The following UBE2R2 variants were observed in gnomAD, a reference collection of about 807,000 sequenced individuals.
UBE2R2 encodes ubiquitin conjugating enzyme E2 R2, also known as ubiquitin-conjugating enzyme E2 R2.
A neutral mutation model predicts 27.8 loss-of-function variants in UBE2R2; 1 was observed. The observed-to-expected ratio is 0.04, with a 90% confidence interval of 0.01 to 0.17. The LOEUF is 0.17. Among genes scored for constraint, UBE2R2 ranks in the 10% least tolerant of loss-of-function variants. UBE2R2 has a pLI of 1.00. For synonymous variants in UBE2R2, 106 were observed against 113.3 expected (o/e 0.94, Z 0.41); for missense variants, 100 against 291.0 (o/e 0.34, Z 4.78).
upstream of UBE2R2, among the ~76,000 whole-genome samples, chr9:33,816,940 G>A (rs1157652943): frequency 6.6e-6 from 1 of 152,206 alleles, no homozygotes; most frequent in African/African-American, 2.4e-5. Flanking sequence ...TTTATGGGCG[G>A]GGGACACGCG....
intron 2 of UBE2R2, among the ~76,000 whole-genome samples, chr9:33,895,413 A>T (rs1016053977): frequency 1.6e-4 from 24 of 152,200 alleles, no homozygotes; most frequent in African/African-American, 5.8e-4. Flanking sequence ...CCATTGGTTT[A>T]TATGTCTGTC....
intron 1 of UBE2R2, among the ~76,000 whole-genome samples, chr9:33,838,039 T>TA (rs1820651838): frequency 6.6e-6 from 1 of 152,138 alleles, no homozygotes; most frequent in African/African-American, 2.4e-5. Context: ...TCAGTATCCA[T>TA]AGGGGGAGTT....
At chr9:33,882,412 G>A (rs541888654) in intron 1 of UBE2R2, among the ~76,000 whole-genome samples, 7 of 152,126 alleles carry the variant, frequency 4.6e-5, no homozygotes, top group African/African-American at 1.4e-4. Flanking sequence ...TCAGCCTCCC[G>A]AGTAGCTGGG....
chr9:33,839,126 A>C (rs1211646219), intron 1 of UBE2R2, among the ~76,000 whole-genome samples: 2 of 152,008 alleles, frequency 1.3e-5, no homozygotes, highest in African/African-American at 4.8e-5. Flanking sequence ...GTGTATCCCC[A>C]AAAGACATAT....
intron 1 of UBE2R2, among the ~76,000 whole-genome samples, chr9:33,837,574 TGCTACCACACCCA>T (rs1820642696): frequency 6.6e-6 from 1 of 152,026 alleles, no homozygotes; most frequent in African/African-American, 2.4e-5. Context: ...TGTAGGCACC[TGCTACCACACCCA>T]GCTAATTTTT....
intron 2 of UBE2R2, among the ~76,000 whole-genome samples, chr9:33,896,181 A>G (rs1822100767): frequency 6.6e-6 from 1 of 152,166 alleles, no homozygotes. Context: ...TTGATTATGT[A>G]TCCTATAACT....
intron 1 of UBE2R2, among the ~76,000 whole-genome samples, chr9:33,866,509 GATTA>G (rs1821367687): frequency 6.6e-6 from 1 of 152,192 alleles, no homozygotes; most frequent in Non-Finnish European, 1.5e-5. Context: ...AAAGTACTGG[GATTA>G]CAGGCGTGAG....
At chr9:33,873,400 T>A (rs2130782325) in intron 1 of UBE2R2, among the ~76,000 whole-genome samples, 2 of 152,302 alleles carry the variant, frequency 1.3e-5, no homozygotes, top group South Asian at 2.1e-4. Flanking sequence ...TTATTATTTT[T>A]ACAGTTTAAC....
rs573406502 is a variant in UBE2R2 at position 33,834,727 on chromosome 9, G to A, written c.177+16793G>A. Among the ~76,000 whole-genome samples, 40 of 151,758 alleles carry A rather than the reference G, an allele frequency of 2.6e-4. No individual in the cohort carries two copies. The East Asian group carries it at 5.3e-3, about 20-fold the overall frequency. Reference sequence around the variant, plus strand: ...GGAGTTCGAGACCAGCCTGGCCAACGTGGAGAAACCCCATCTCTACTAAAA... The same window carrying A: ...GGAGTTCGAGACCAGCCTGGCCAACATGGAGAAACCCCATCTCTACTAAAA... On this transcript the variant is annotated intron_variant, in intron 1 of 4. Transcript: ENST00000263228.
At chr9:33,911,633 T>C (rs1214081205) in intron 3 of UBE2R2, among the ~76,000 whole-genome samples, 1 of 152,156 alleles carries the variant, frequency 6.6e-6, no homozygotes, top group Non-Finnish European at 1.5e-5. Context: ...ATCAAGTTCA[T>C]TTTTATGCTT....
intron 4 of UBE2R2, among the ~76,000 whole-genome samples, chr9:33,916,801 T>C (rs1239486627): frequency 6.6e-6 from 1 of 152,148 alleles, no homozygotes; most frequent in African/African-American, 2.4e-5. Flanking sequence ...ATATTAACAG[T>C]GTATTTCCCC....
intron 2 of UBE2R2, among the ~76,000 whole-genome samples, chr9:33,888,711 T>G (rs1401303349): frequency 1.3e-5 from 2 of 152,162 alleles, no homozygotes; most frequent in Admixed American, 1.3e-4. Flanking sequence ...GAGACAGTGT[T>G]TCACCATGTC....
intron 1 of UBE2R2, among the ~76,000 whole-genome samples, chr9:33,844,353 C>T (rs952055434): frequency 2.0e-5 from 3 of 151,544 alleles, no homozygotes; most frequent in African/African-American, 4.9e-5. Context: ...TACAGGTGTG[C>T]GCCACCATGC....
chr9:33,847,747 ATTTTT>A (rs367991925), intron 1 of UBE2R2, among the ~76,000 whole-genome samples: 1 of 105,044 alleles, frequency 9.5e-6, no homozygotes, highest in Non-Finnish European at 1.9e-5. Flanking sequence ...TTGACCTGAA[ATTTTT>A]TTTTTTTTTT....
At chr9:33,824,883 G>C in intron 1 of UBE2R2, among the ~76,000 whole-genome samples, 1 of 151,526 alleles carries the variant, frequency 6.6e-6, no homozygotes, top group Non-Finnish European at 1.5e-5. Context: ...TAACCTAGTT[G>C]TGAGAGACCA....
intron 1 of UBE2R2, among the ~76,000 whole-genome samples, chr9:33,849,357 G>A (rs1820914538): frequency 6.6e-6 from 1 of 152,114 alleles, no homozygotes; most frequent in Non-Finnish European, 1.5e-5. Flanking sequence ...GTGTGTAGGT[G>A]TGTATATACA....
intron 1 of UBE2R2, among the ~76,000 whole-genome samples, chr9:33,845,018 C>G (rs1168592745): frequency 1.3e-5 from 2 of 152,040 alleles, no homozygotes; most frequent in Non-Finnish European, 2.9e-5. Flanking sequence ...ATCCGCCTGC[C>G]TCGACCTTCC....
chr9:33,815,727 G>C (rs773468905), upstream of UBE2R2, among the ~76,000 whole-genome samples: 10 of 152,226 alleles, frequency 6.6e-5, no homozygotes, highest in Non-Finnish European at 1.2e-4. Context: ...CTGGGCAACA[G>C]AGTAAGACCC....
intron 2 of UBE2R2, among the ~76,000 whole-genome samples, chr9:33,893,242 C>T (rs1260763854): frequency 5.9e-5 from 9 of 152,196 alleles, no homozygotes; most frequent in Non-Finnish European, 5.9e-5. Context: ...TTCCCTCAAT[C>T]TCTGGCAACC....
Sources: allele counts gnomAD v4.1 joint callset (sites outside exome capture counted in the v4.1 genomes callset), GRCh38; gene constraint gnomAD v4.1.1; transcripts MANE v1.5; gene names NCBI Gene and HGNC (gene_info 2026-07-23, HGNC 2026-07-21).